The following ANKRD36 variants were observed in gnomAD, a reference collection of about 807,000 sequenced individuals.
The protein encoded by ANKRD36 is ankyrin repeat domain 36, also known as ankyrin repeat domain-containing protein 36A.
A neutral mutation model predicts 278.1 loss-of-function variants in ANKRD36; 179 were observed. The observed-to-expected ratio is 0.64, with a 90% confidence interval of 0.57 to 0.73. The LOEUF is 0.73. Among genes scored for constraint, ANKRD36 ranks in the 30% least tolerant of loss-of-function variants. The pLI, the probability that ANKRD36 is intolerant of heterozygous loss-of-function variation, is 0.00. For missense variants in ANKRD36, 1,159 were observed against 1,956.7 expected (o/e 0.59, Z 7.69); for synonymous variants, 320 against 641.1 (o/e 0.50, Z 7.57).
chr2:97,194,736 G>C lies in ANKRD36; in HGVS notation c.2460G>C (p.Arg820=). The C allele has an allele frequency of 6.2e-7, 1 of 1,604,590 alleles. No homozygotes were observed. Among genetic ancestry groups the C allele is most frequent in the South Asian group, 1.1e-5 (1 of 90,574 alleles). ...DGEKSRTVSS[R]KKPALKATSD... Reference sequence around the variant, plus strand: ...CCTTTTGCTTTTCAGTGTCTTCTCGGAAAAAACCAGCCTTGAAGGTAATGA... The same window carrying C: ...CCTTTTGCTTTTCAGTGTCTTCTCGCAAAAAACCAGCCTTGAAGGTAATGA... The change falls in exon 39 of 76, where the codon CGG becomes CGC. Residue 820 remains arginine (R), a synonymous_variant. Transcript: ENST00000420699.
chr2:97,179,079 G>C (rs1245952554), intron 22 of ANKRD36, among the ~76,000 whole-genome samples: 5 of 151,464 alleles, frequency 3.3e-5, no homozygotes, highest in African/African-American at 9.7e-5. Context: ...ATACCTTGTT[G>C]CAATGAGTGG....
intron 3 of ANKRD36, among the ~76,000 whole-genome samples, chr2:97,120,985 A>C (rs1161665600): frequency 6.6e-6 from 1 of 151,746 alleles, no homozygotes; most frequent in Non-Finnish European, 1.5e-5. Context: ...TGTGGTCTCC[A>C]TTTTGCTACT....
intron 46 of ANKRD36, 145 bp from the exon 47 acceptor site, chr2:97,202,057 C>G: frequency 6.7e-7 from 1 of 1,503,026 alleles, no homozygotes; most frequent in East Asian, 2.5e-5. Context: ...CTGTCACGTT[C>G]TAGTCCCCAG....
chr2:97,227,023 C>T (rs1246848816), intron 67 of ANKRD36, among the ~76,000 whole-genome samples: 3 of 152,128 alleles, frequency 2.0e-5, no homozygotes, highest in East Asian at 3.9e-4. Context: ...GTTTTGGTTA[C>T]TGTAGCCTTG....
intron 12 of ANKRD36, among the ~76,000 whole-genome samples, chr2:97,149,639 C>T (rs537896891): frequency 2.6e-5 from 4 of 152,036 alleles, no homozygotes; most frequent in African/African-American, 9.6e-5. Context: ...GGAATGCTTT[C>T]CCACAGTAGA....
At chr2:97,255,960 TGAAAGAG>T (rs1482537128) in intron 75 of ANKRD36, among the ~76,000 whole-genome samples, 1 of 103,644 alleles carries the variant, frequency 9.6e-6, no homozygotes. Context: ...TTCACTTTTT[TGAAAGAG>T]TTTGAGAGTA....
intron 5 of ANKRD36, among the ~76,000 whole-genome samples, chr2:97,124,900 T>G (rs1179756964): frequency 6.6e-6 from 1 of 151,920 alleles, no homozygotes; most frequent in African/African-American, 2.4e-5. Flanking sequence ...ATAACCCCTA[T>G]GCATAGGGTA....
At chr2:97,179,069 A>T (rs2055321648) in intron 22 of ANKRD36, among the ~76,000 whole-genome samples, 1 of 151,586 alleles carries the variant, frequency 6.6e-6, no homozygotes, top group Non-Finnish European at 1.5e-5. Context: ...TTTATATATT[A>T]TACCTTGTTG....
At chr2:97,196,907 A>T in intron 42 of ANKRD36, 119 bp downstream of exon 42, 1 of 1,458,002 alleles carries the variant, frequency 6.9e-7, no homozygotes, top group Non-Finnish European at 9.2e-7. Flanking sequence ...CAGGCCGGAG[A>T]TTCTTCATTT....
chr2:97,165,520 G>T (rs141442579), intron 20 of ANKRD36, among the ~76,000 whole-genome samples: 1 of 148,038 alleles, frequency 6.8e-6, no homozygotes, highest in East Asian at 2.0e-4. Context: ...CACTGCCATA[G>T]CTGAAAAACT....
rs28432242 is a variant in ANKRD36, at chr2:97,191,362, C to T, written c.2347+181C>T. Among the ~76,000 whole-genome samples, 1,051 of 151,688 alleles carry T rather than the reference C, an allele frequency of 6.9e-3. 8 individuals are homozygous for T. The highest frequency in any genetic ancestry group is 0.011 in the Non-Finnish European group (753 of 67,880). On this transcript the variant is annotated intron_variant, in intron 36 of 75. Coordinates refer to ENST00000420699, the MANE Select transcript of ANKRD36 (RefSeq NM_001354587.1). ...TGCTGCTGGTCTGGAACATGATCTT[C>T]GCAGTAAGATTATACACTTCCCCAC...
intron 22 of ANKRD36, among the ~76,000 whole-genome samples, chr2:97,172,049 G>T (rs1469321647): frequency 6.6e-6 from 1 of 151,684 alleles, no homozygotes; most frequent in Non-Finnish European, 1.5e-5. Flanking sequence ...CTTTTAAGAC[G>T]GTGATTCTGA....
intron 22 of ANKRD36, among the ~76,000 whole-genome samples, chr2:97,174,270 T>C (rs2053568546): frequency 6.6e-6 from 1 of 151,704 alleles, no homozygotes; most frequent in African/African-American, 2.4e-5. Flanking sequence ...TAAAATGATT[T>C]TTAAAATTAT....
intron 64 of ANKRD36, among the ~76,000 whole-genome samples, chr2:97,218,677 T>C (rs1351011193): frequency 2.6e-5 from 4 of 152,130 alleles, no homozygotes; most frequent in Non-Finnish European, 5.9e-5. Flanking sequence ...ATGTCTTGTA[T>C]GAAAGTCATG....
chr2:97,135,569 G>C (rs564359937), intron 6 of ANKRD36, among the ~76,000 whole-genome samples: 2 of 150,256 alleles, frequency 1.3e-5, no homozygotes, highest in East Asian at 3.9e-4. Context: ...TGTAGTCTTA[G>C]GCTACTATTG....
intron 52 of ANKRD36, 30 bp from the exon 53 acceptor site, chr2:97,207,781 G>A: frequency 7.1e-6 from 11 of 1,544,308 alleles, no homozygotes; most frequent in Non-Finnish European, 9.6e-6. Context: ...TTTTACACAT[G>A]AGTGATTATG....
At position 97,187,201 on chromosome 2, in the gene ANKRD36, C is replaced by T. The variant is rs200810582; in HGVS notation, c.2045C>T (p.Ser682Phe). The change falls in exon 31 of 76, where the codon TCT becomes TTT. Residue 682 changes from serine (S) to phenylalanine (F), a missense_variant. Transcript: ENST00000420699. ...IKDGLQCGTV[S>F]SQKQPALKAT... is the part of the protein sequence containing the mutation. Reference sequence around the variant, plus strand: ...ATGTATCCCTTTTGCTTTTCAGTGTCTTCTCAGAAACAACCAGCCTTGAAG... The same window carrying T: ...ATGTATCCCTTTTGCTTTTCAGTGTTTTCTCAGAAACAACCAGCCTTGAAG... 392 of 1,609,636 alleles carry T rather than the reference C, an allele frequency of 2.4e-4. No homozygotes were observed. Among genetic ancestry groups the T allele is most frequent in the Non-Finnish European group, 3.1e-4 (368 of 1,178,676 alleles).
chr2:97,156,944 T>A (rs1163216553), intron 15 of ANKRD36, among the ~76,000 whole-genome samples: 1 of 151,972 alleles, frequency 6.6e-6, no homozygotes, highest in Non-Finnish European at 1.5e-5. Context: ...CTCATGGTGG[T>A]CTTGATTTGC....
intron 67 of ANKRD36, among the ~76,000 whole-genome samples, chr2:97,228,183 A>G (rs1389608103): frequency 2.0e-5 from 3 of 152,136 alleles, no homozygotes; most frequent in East Asian, 2.0e-4. Context: ...CTCTTTTTCT[A>G]TTGATTGGAA....
Sources: allele counts gnomAD v4.1 joint callset (sites outside exome capture counted in the v4.1 genomes callset), GRCh38; gene constraint gnomAD v4.1.1; transcripts MANE v1.5; gene names NCBI Gene and HGNC (gene_info 2026-07-23, HGNC 2026-07-21).